Variants in DPP9 observed in about 807,000 individuals in gnomAD.
DPP9 encodes the protein dipeptidyl peptidase IV-related protein-2.
DPP9 carries 50 observed loss-of-function variants against 110.7 expected under a neutral mutation model. The ratio of observed to expected loss-of-function variants is 0.45; its 90% CI spans 0.36 to 0.57. The LOEUF is 0.57. Ranked by LOEUF, DPP9 falls within the 20% of genes least tolerant of loss-of-function variation. DPP9 has a pLI of 0.00. For synonymous variants in DPP9, 561 were observed against 514.4 expected (o/e 1.09, Z -1.23); for missense variants, 1,022 against 1,217.9 (o/e 0.84, Z 2.39).
rs1345553063 is a variant in DPP9 at position 4,685,214 on chromosome 19, T to C, written c.2032-405A>G. On this transcript the variant is annotated intron_variant, in intron 17 of 21. Transcript: ENST00000262960. The surrounding 1 kb of genome is among the most constrained non-coding windows in gnomAD (Gnocchi z 5.8). ...AGTACCCAGACATCGCCCCGTATCC[T>C]CTGTGGGGACAGAGCTGCTCTGGGT... The C allele has an allele frequency of 1.9e-6, 1 of 520,338 alleles. No homozygotes were observed. Among genetic ancestry groups the C allele is most frequent in the Admixed American group, 2.3e-5 (1 of 44,258 alleles). The allele number at this position is 520,338 out of a possible 1,614,324, so 32.2% of individuals were successfully genotyped here. A position where few individuals can be genotyped will look rare whatever the true frequency, so the allele number is the denominator to read the frequency against.
At chr19:4,713,566 C>T (rs1027802476) in intron 4 of DPP9, among the ~76,000 whole-genome samples, 5 of 152,228 alleles carry the variant, frequency 3.3e-5, no homozygotes, top group Admixed American at 1.3e-4. Flanking sequence ...CTGTCACCGG[C>T]GGCAAACCAG....
Position 4,710,463 on chromosome 19 carries a change from G to A in DPP9, c.313+3618C>T, listed in dbSNP as rs1255700162. Among the ~76,000 whole-genome samples, 1 of 152,192 alleles carries A rather than the reference G, an allele frequency of 6.6e-6. No individual in the cohort carries two copies. The highest frequency in any genetic ancestry group is 1.5e-5 in the Non-Finnish European group (1 of 68,024). ...TGCTGCAGTCTGAGGCCTGGAACCT[G>A]AGCCGGCCCCAGCCCATCTTCCCAG... On this transcript the variant is annotated intron_variant, in intron 4 of 21. Transcript: ENST00000262960. This position sits in a 1 kb window ranked among gnomAD's most constrained non-coding sequence, Gnocchi z 5.6.
rs1167408117 is a variant in DPP9, at chr19:4,684,632, AG to A, written c.2178+30del. On this transcript the variant is annotated intron_variant, in intron 18 of 21. Coordinates refer to ENST00000262960, the MANE Select transcript of DPP9 (RefSeq NM_139159.5). The surrounding 1 kb of genome is among the most constrained non-coding windows in gnomAD (Gnocchi z 4.8). ...CCAGGGCTCCCTTCCCGAGACCCAAAGGACCCAGAGCAACAGGGAGGAGTTG... is the reference window on the plus strand; with the variant it reads ...CCAGGGCTCCCTTCCCGAGACCCAAAGACCCAGAGCAACAGGGAGGAGTTG... 1 of 1,611,182 alleles carries A rather than the reference AG, an allele frequency of 6.2e-7. No individual in the cohort carries two copies. Among genetic ancestry groups the A allele is most frequent in the Non-Finnish European group, 8.5e-7 (1 of 1,178,738 alleles).
chr19:4,683,964 A>T, intron 18 of DPP9: 1 of 625,958 alleles, frequency 1.6e-6, no homozygotes, highest in Non-Finnish European at 2.5e-6. Context: ...ACGGGTGCCC[A>T]GGCATGTGCA....
chr19:4,691,069 C>G lies in DPP9; in HGVS notation c.1517-112G>C, dbSNP rs192551814. The G allele has an allele frequency of 3.0e-4, 239 of 794,390 alleles. No homozygotes were observed. In the African/African-American group the frequency reaches 3.6e-3, roughly 12 times the overall value. The allele number at this position is 794,390 out of a possible 1,614,324, so 49.2% of individuals were successfully genotyped here. A position where few individuals can be genotyped will look rare whatever the true frequency, so the allele number is the denominator to read the frequency against. On this transcript the variant is annotated intron_variant, in intron 13 of 21. Transcript: ENST00000262960. The stretch of plus-strand genomic sequence containing the variant: ...GACTCACCATGGAGCCACTGAAACC[C>G]CGGCTTGCTGTGAACTCAGACGCCA...
chr19:4,688,595 T>C, intron 16 of DPP9, 162 bp downstream of exon 16: 1 of 923,780 alleles, frequency 1.1e-6, no homozygotes, highest in Non-Finnish European at 1.5e-6. Context: ...CTGTGGCTTA[T>C]GTCCTATGAC....
At position 4,705,911 on chromosome 19, in the gene DPP9, G is replaced by A. The variant is rs778143273; in HGVS notation, c.373C>T (p.Arg125Trp). 23 of 1,613,830 alleles carry A rather than the reference G, an allele frequency of 1.4e-5. No individual in the cohort carries two copies. The highest frequency in any genetic ancestry group is 1.9e-5 in the Non-Finnish European group (22 of 1,179,840). The change falls in exon 5 of 22, where the codon CGG (arginine) becomes TGG (tryptophan). Residue 125 changes from arginine (R) to tryptophan (W), a missense_variant. Transcript: ENST00000262960. ...LLYSEIPKKV[R>W]KEALLLLSWK... Reference sequence around the variant, plus strand: ...GACAGGAGCAGCAGAGCCTCTTTCCGGACCTTCTTGGGAATCTCAGAGTAG... The same window carrying A: ...GACAGGAGCAGCAGAGCCTCTTTCCAGACCTTCTTGGGAATCTCAGAGTAG...
intron 4 of DPP9, among the ~76,000 whole-genome samples, chr19:4,713,772 A>T (rs2092943437): frequency 6.6e-6 from 1 of 152,146 alleles, no homozygotes; most frequent in African/African-American, 2.4e-5. Flanking sequence ...CTAGCACTGG[A>T]AACAATCTCC....
intron 10 of DPP9, among the ~76,000 whole-genome samples, chr19:4,699,246 G>A (rs930401727): frequency 2.0e-5 from 3 of 151,552 alleles, no homozygotes; most frequent in Non-Finnish European, 2.9e-5. Context: ...GAGCACACAA[G>A]GGCCTCCTTG....
chr19:4,703,668 C>T (rs2092426378), intron 7 of DPP9, among the ~76,000 whole-genome samples: 1 of 146,004 alleles, frequency 6.8e-6, no homozygotes, highest in Non-Finnish European at 1.5e-5. Context: ...GTGAGACTCT[C>T]TCAAAAAAAA....
At position 4,695,269 on chromosome 19, in the gene DPP9, A is replaced by C; in HGVS notation, c.1353+109T>G. On this transcript the variant is annotated intron_variant, in intron 12 of 21. Coordinates refer to ENST00000262960, the MANE Select transcript of DPP9 (RefSeq NM_139159.5). The surrounding 1 kb of genome is among the most constrained non-coding windows in gnomAD (Gnocchi z 4.7). ...AAGGCCTGAGCTCACTTCTCCACAC[A>C]AGGGCAAACACCACCTGCCATTGGC... is the stretch of plus-strand genomic sequence containing the variant. 1 of 1,251,210 alleles carries C rather than the reference A, an allele frequency of 8.0e-7. No homozygotes were observed. Among genetic ancestry groups the C allele is most frequent in the Admixed American group, 2.9e-5 (1 of 34,874 alleles). 77.5% of individuals were successfully genotyped at this position (1,251,210 alleles called of 1,614,324 possible).
At chr19:4,691,031 T>C in intron 13 of DPP9, 74 bp from the exon 14 acceptor site, 1 of 1,193,784 alleles carries the variant, frequency 8.4e-7, no homozygotes. Context: ...CCAGGCCAAA[T>C]TCCACCCGAG....
In DPP9 at chr19:4,687,665, C is replaced by T. The variant is rs1243390861; in HGVS notation, c.1885+1092G>A. Among the ~76,000 whole-genome samples the T allele has an allele frequency of 6.6e-6, 1 of 150,956 alleles. No homozygotes were observed. Among genetic ancestry groups the T allele is most frequent in the African/African-American group, 2.5e-5 (1 of 40,328 alleles). On this transcript the variant is annotated intron_variant, in intron 16 of 21. Coordinates refer to ENST00000262960, the MANE Select transcript of DPP9 (RefSeq NM_139159.5). This position sits in a 1 kb window ranked among gnomAD's most constrained non-coding sequence, Gnocchi z 4.7. Reference sequence around the variant, plus strand: ...GGCACAGGACACCATAAAGGGCCCTCTGCATGCCGCTGTGGCCAGGACTGC... The same window carrying T: ...GGCACAGGACACCATAAAGGGCCCTTTGCATGCCGCTGTGGCCAGGACTGC...
chr19:4,703,879 G>A lies in DPP9; in HGVS notation c.769+7C>T, dbSNP rs2092440244. 6.3e-7 allele frequency: 1 copy of A among 1,595,706 alleles called. No homozygotes were observed. The highest frequency in any genetic ancestry group is 8.5e-7 in the Non-Finnish European group (1 of 1,171,944). On this transcript the variant is annotated splice_region_variant and intron_variant, in intron 7 of 21. Transcript: ENST00000262960. ...TGGTGGCCGTGCACAGGAGGGGCTG[G>A]CCCCACCTTGGTGGCAGAAGGTCAG... is the stretch of plus-strand genomic sequence containing the variant.
At chr19:4,707,675 G>GA (rs1168158112) in intron 4 of DPP9, among the ~76,000 whole-genome samples, 1 of 144,202 alleles carries the variant, frequency 6.9e-6, no homozygotes, top group Middle Eastern at 3.5e-3. Flanking sequence ...GCCCAGACTG[G>GA]AGTGCAGTGG....
At chr19:4,709,416 T>C (rs1431197004) in intron 4 of DPP9, among the ~76,000 whole-genome samples, 1 of 151,982 alleles carries the variant, frequency 6.6e-6, no homozygotes, top group Non-Finnish European at 1.5e-5. Context: ...GTGAGATGTG[T>C]GTGGGAAGGA....
chr19:4,691,024 G>T, intron 13 of DPP9, 67 bp from the exon 14 acceptor site: 1 of 1,285,266 alleles, frequency 7.8e-7, no homozygotes, highest in Non-Finnish European at 1.1e-6. Context: ...AAGGCACCCA[G>T]GCCAAATTCC....
Position 4,704,277 on chromosome 19 carries a change from G to T in DPP9, c.454C>A (p.Arg152=). The change falls in exon 6 of 22, where the codon CGG becomes AGG. Residue 152 remains arginine, a synonymous_variant. Transcript: ENST00000262960. The surrounding 1 kb of genome is among the most constrained non-coding windows in gnomAD (Gnocchi z 6.0). ...CGCTCCCTCAGCAGCTCCTCCTCCCGAGAGTAGACCCCATGGTGGGGCGTG... is the reference window on the plus strand; with the variant it reads ...CGCTCCCTCAGCAGCTCCTCCTCCCTAGAGTAGACCCCATGGTGGGGCGTG... ...QATPHHGVYS[R]EEELLRERKR... The T allele has an allele frequency of 6.2e-7, 1 of 1,613,524 alleles. No individual in the cohort carries two copies. Among genetic ancestry groups the T allele is most frequent in the Non-Finnish European group, 8.5e-7 (1 of 1,179,890 alleles).
At position 4,703,921 on chromosome 19, in the gene DPP9, G is replaced by A. The variant is rs1027065145; in HGVS notation, c.734C>T (p.Thr245Ile). 5 of 1,612,294 alleles carry A rather than the reference G, an allele frequency of 3.1e-6. No homozygotes were observed. Among genetic ancestry groups the A allele is most frequent in the Non-Finnish European group, 4.2e-6 (5 of 1,179,282 alleles). ...GAAGGTCAGCCGCCGCTCCTCGCCT[G>A]TCTCGATGTTGGCCACCCACAGGTC... ...NSDLWVANIETGEERRLTFCH... is the reference protein window; with the variant it reads ...NSDLWVANIEIGEERRLTFCH... Residue 245 changes from threonine (T) to isoleucine (I), a missense_variant, in exon 7 of 22, where the codon ACA (threonine) becomes ATA (isoleucine). Thr to Ile is a moderately conservative substitution (Grantham distance 89, BLOSUM62 -1). Around this residue, in one of 3 missense-constraint regions of DPP9, gnomAD observed 810 missense variants for 920.6 expected, o/e 0.88. Coordinates refer to ENST00000262960, the MANE Select transcript of DPP9 (RefSeq NM_139159.5).
Sources: allele counts gnomAD v4.1 joint callset (sites outside exome capture counted in the v4.1 genomes callset), GRCh38; gene constraint gnomAD v4.1.1; regional missense constraint gnomAD v4.1.1; non-coding constraint Gnocchi (gnomAD v3.1); transcripts MANE v1.5; gene names NCBI Gene and HGNC (gene_info 2026-07-23, HGNC 2026-07-21).